Variants in CSMD1 observed in about 807,000 individuals in gnomAD.
CSMD1 encodes CUB and sushi domain-containing protein 1.
CSMD1 carries 213 observed loss-of-function variants against 417.5 expected under a neutral mutation model. That is an observed-to-expected ratio of 0.51 (90% CI 0.46 to 0.57). The LOEUF is 0.57. Ranked by LOEUF, CSMD1 falls within the 20% of genes least tolerant of loss-of-function variation. The pLI is 0.00. For synonymous variants in CSMD1, 2,862 were observed against 1,736.8 expected (o/e 1.65, Z -16.11); for missense variants, 6,923 against 4,529.7 (o/e 1.53, Z -15.17).
intron 2 of CSMD1, among the ~76,000 whole-genome samples, chr8:4,549,841 G>C (rs942101750): frequency 7.5e-6 from 1 of 133,524 alleles, no homozygotes; most frequent in Admixed American, 8.9e-5. Flanking sequence ...AGGTTGCAAT[G>C]AGCCAAGATC....
chr8:4,503,918 C>T (rs898984224), intron 2 of CSMD1, among the ~76,000 whole-genome samples: 2 of 148,622 alleles, frequency 1.3e-5, no homozygotes, highest in African/African-American at 2.5e-5. Context: ...AAAATTAAAC[C>T]GAGGTCTGTA....
At chr8:4,800,573 G>C (rs1428960456) in intron 1 of CSMD1, among the ~76,000 whole-genome samples, 5 of 152,188 alleles carry the variant, frequency 3.3e-5, no homozygotes, top group Non-Finnish European at 5.9e-5. Flanking sequence ...ACCTCAGACC[G>C]TCAGAGGCAG....
At chr8:4,405,382 T>C (rs1303572510) in intron 3 of CSMD1, among the ~76,000 whole-genome samples, 1 of 152,176 alleles carries the variant, frequency 6.6e-6, no homozygotes, top group Non-Finnish European at 1.5e-5. Flanking sequence ...TGGCACAAAC[T>C]ACTTGTTACC....
intron 33 of CSMD1, among the ~76,000 whole-genome samples, chr8:3,191,661 G>C (rs1412111703): frequency 6.6e-6 from 1 of 152,062 alleles, no homozygotes; most frequent in African/African-American, 2.4e-5. Flanking sequence ...AACTATTCAG[G>C]TTGTATGGCA....
chr8:3,429,669 A>G (rs960601080), intron 12 of CSMD1, among the ~76,000 whole-genome samples: 1 of 152,248 alleles, frequency 6.6e-6, no homozygotes, highest in Non-Finnish European at 1.5e-5. Flanking sequence ...ACACTTTTGA[A>G]TATCTGCATT....
rs796746822 is a variant in CSMD1, at chr8:2,935,449, T to G, written c.*3136A>C. 24 of 152,186 alleles carry G rather than the reference T, an allele frequency of 1.6e-4. 1 individual carries two copies. Among genetic ancestry groups the G allele is most frequent in the African/African-American group, 5.3e-4 (22 of 41,530 alleles). The allele number at this position is 152,186 out of a possible 1,614,324, so 9.4% of individuals were successfully genotyped here. On this transcript the variant is annotated 3_prime_UTR_variant, in exon 70 of 70. Coordinates refer to ENST00000635120, the MANE Select transcript of CSMD1 (RefSeq NM_033225.6). ...TATTACACCCTCTTTATAATTTTTT[T>G]GACAAAAAAAAGATACTGTTCATTT...
chr8:4,151,621 T>C (rs943421924), intron 3 of CSMD1, among the ~76,000 whole-genome samples: 2 of 152,172 alleles, frequency 1.3e-5, no homozygotes, highest in African/African-American at 4.8e-5. Context: ...GACATGTAGT[T>C]TCACTTTGTT....
chr8:3,709,216 A>T lies in CSMD1; in HGVS notation c.932-725T>A, dbSNP rs1211546760. On this transcript the variant is annotated intron_variant, in intron 6 of 69. Coordinates refer to ENST00000635120, the MANE Select transcript of CSMD1 (RefSeq NM_033225.6). Reference sequence around the variant, plus strand: ...GATGCATCTTGTGATTATAGAATATAAAATGTTATGATCTTCTAAGCTATC... The same window carrying T: ...GATGCATCTTGTGATTATAGAATATTAAATGTTATGATCTTCTAAGCTATC... Among the ~76,000 whole-genome samples, 4 of 150,694 alleles carry T rather than the reference A, an allele frequency of 2.7e-5. 1 individual carries two copies. The East Asian group carries it at 5.9e-4, about 22-fold the overall frequency.
chr8:3,444,904 G>C (rs748138082), intron 12 of CSMD1, among the ~76,000 whole-genome samples: 4 of 152,100 alleles, frequency 2.6e-5, no homozygotes, highest in Non-Finnish European at 5.9e-5. Flanking sequence ...AACACAGCTG[G>C]TCAGTGCACG....
intron 10 of CSMD1, among the ~76,000 whole-genome samples, chr8:3,563,357 T>C (rs1043187581): frequency 2.0e-5 from 3 of 149,200 alleles, no homozygotes; most frequent in Non-Finnish European, 2.9e-5. Flanking sequence ...ATCATTACTA[T>C]TGTATTTAAG....
In CSMD1 at chr8:3,372,832, G is replaced by T. The variant is rs190566324; in HGVS notation, c.2783-3462C>A. ...GATAGAAGGGAGACCACAACTATGT[G>T]AGAACACCAGTGGCAGTGAATGTAG... On this transcript the variant is annotated intron_variant, in intron 18 of 69. Coordinates refer to ENST00000635120, the MANE Select transcript of CSMD1 (RefSeq NM_033225.6). Among the ~76,000 whole-genome samples, 586 of 152,286 alleles carry T rather than the reference G, an allele frequency of 3.8e-3. 3 individuals carry two copies. The highest frequency in any genetic ancestry group is 5.6e-3 in the Non-Finnish European group (383 of 68,028).
rs544345527 is a variant in CSMD1 at position 3,209,409 on chromosome 8, C to T, written c.4868-3789G>A. Among the ~76,000 whole-genome samples, 17 of 152,072 alleles carry T rather than the reference C, an allele frequency of 1.1e-4. No individual in the cohort carries two copies. The East Asian group carries it at 2.9e-3, about 26-fold the overall frequency. On this transcript the variant is annotated intron_variant, in intron 30 of 69. Coordinates refer to ENST00000635120, the MANE Select transcript of CSMD1 (RefSeq NM_033225.6). ...TCGGCTCACTGCAAGTTCCATCTCC[C>T]GGGTTCATGCCATTCTCCTGCCTCA...
chr8:3,847,563 C>G (rs1316511462), intron 5 of CSMD1, among the ~76,000 whole-genome samples: 1 of 152,104 alleles, frequency 6.6e-6, no homozygotes, highest in Admixed American at 6.6e-5. Flanking sequence ...TCCTTGACTG[C>G]TGCTTCTTGA....
chr8:3,214,705 G>A lies in CSMD1; in HGVS notation c.4673-14C>T, dbSNP rs754980608. 8.4e-6 allele frequency: 13 copies of A among 1,541,960 alleles called. No homozygotes were observed. In the Admixed American group the frequency reaches 1.8e-4, roughly 21 times the overall value. ...CCCGTGGTTTCTCTGTGGAAGAAATGAATGTAAACTGCATGAGAGCAGGGA... is the reference window on the plus strand; with the variant it reads ...CCCGTGGTTTCTCTGTGGAAGAAATAAATGTAAACTGCATGAGAGCAGGGA... On this transcript the variant is annotated splice_polypyrimidine_tract_variant and intron_variant, in intron 29 of 69. Transcript: ENST00000635120.
chr8:4,042,520 G>C (rs1230701267), intron 3 of CSMD1, among the ~76,000 whole-genome samples: 2 of 152,022 alleles, frequency 1.3e-5, no homozygotes, highest in Non-Finnish European at 2.9e-5. Flanking sequence ...CCCGTCACTA[G>C]CAGGCCCATA....
At chr8:3,411,328 G>C (rs1351744483) in intron 12 of CSMD1, among the ~76,000 whole-genome samples, 2 of 151,814 alleles carry the variant, frequency 1.3e-5, no homozygotes, top group African/African-American at 4.8e-5. Context: ...AATTCTTTGT[G>C]GGGTATTTTT....
At chr8:4,339,216 C>CAATA (rs1249562332) in intron 3 of CSMD1, among the ~76,000 whole-genome samples, 1 of 152,064 alleles carries the variant, frequency 6.6e-6, no homozygotes, top group African/African-American at 2.4e-5. Context: ...ATACCCCAGG[C>CAATA]AATAAGCCAT....
chr8:3,549,323 G>C (rs1482381648), intron 10 of CSMD1, among the ~76,000 whole-genome samples: 1 of 152,192 alleles, frequency 6.6e-6, no homozygotes, highest in African/African-American at 2.4e-5. Context: ...GCCCTTTACA[G>C]GCAAGCTCAC....
chr8:4,293,159 G>C (rs986874889), intron 3 of CSMD1, among the ~76,000 whole-genome samples: 5 of 152,122 alleles, frequency 3.3e-5, no homozygotes, highest in Non-Finnish European at 7.4e-5. Flanking sequence ...CCTTTGTCCA[G>C]TATACTCTGA....
Sources: allele counts gnomAD v4.1 joint callset (sites outside exome capture counted in the v4.1 genomes callset), GRCh38; gene constraint gnomAD v4.1.1; transcripts MANE v1.5; gene names NCBI Gene and HGNC (gene_info 2026-07-23, HGNC 2026-07-21).